Variants in XYLT1 observed in about 807,000 individuals in gnomAD.
XYLT1 encodes xylosyltransferase 1, also known as beta-D-xylosyltransferase 1.
XYLT1 carries 36 observed loss-of-function variants against 91.3 expected under a neutral mutation model. The ratio of observed to expected loss-of-function variants is 0.39; its 90% CI spans 0.30 to 0.52. The LOEUF is 0.52. Among genes scored for constraint, XYLT1 ranks in the 20% least tolerant of loss-of-function variants. The pLI is 0.68. For missense variants in XYLT1, 1,242 were observed against 1,284.5 expected (o/e 0.97, Z 0.51); for synonymous variants, 588 against 532.0 (o/e 1.11, Z -1.45).
chr16:17,250,658 C>T (rs1396832540), intron 3 of XYLT1: 1 of 152,322 alleles, frequency 6.6e-6, no homozygotes, highest in East Asian at 1.9e-4. Context: ...TGCCTTTCCC[C>T]AGCAAGCCCA....
intron 5 of XYLT1, among the ~76,000 whole-genome samples, chr16:17,182,783 C>G (rs1434134514): frequency 6.6e-6 from 1 of 152,018 alleles, no homozygotes; most frequent in African/African-American, 2.4e-5. Context: ...CCACTGGGCA[C>G]CACCAGATAG....
intron 2 of XYLT1, among the ~76,000 whole-genome samples, chr16:17,331,683 G>A (rs538329050): frequency 9.5e-4 from 145 of 152,160 alleles, no homozygotes; most frequent in South Asian, 2.7e-3. Context: ...TTTATTGATG[G>A]GCACACTGAG....
At chr16:17,326,416 A>G (rs917302081) in intron 2 of XYLT1, among the ~76,000 whole-genome samples, 3 of 152,172 alleles carry the variant, frequency 2.0e-5, no homozygotes, top group African/African-American at 7.2e-5. Context: ...CCTTTAAAAT[A>G]AAGAATTTTG....
At chr16:17,439,322 T>C (rs939644840) in intron 1 of XYLT1, among the ~76,000 whole-genome samples, 1 of 152,126 alleles carries the variant, frequency 6.6e-6, no homozygotes, top group Non-Finnish European at 1.5e-5. Flanking sequence ...GACGGACAGA[T>C]GGGTGAAAGA....
intron 2 of XYLT1, among the ~76,000 whole-genome samples, chr16:17,261,742 T>C (rs1467311807): frequency 6.6e-6 from 1 of 151,788 alleles, no homozygotes; most frequent in African/African-American, 2.4e-5. Flanking sequence ...GCACGTGGAG[T>C]CTGAGGCTGC....
intron 1 of XYLT1, among the ~76,000 whole-genome samples, chr16:17,375,154 T>C (rs1308230977): frequency 6.6e-6 from 1 of 152,182 alleles, no homozygotes; most frequent in Non-Finnish European, 1.5e-5. Flanking sequence ...TTCCAGTCCG[T>C]GCAACTTCAA....
rs924813097 is a variant in XYLT1 at position 17,116,738 on chromosome 16, C to T, written c.2557+908G>A. Reference sequence around the variant, plus strand: ...GAGATACTAAAACATTTTCTAAACTCGTCTTAGCACTTCACCCTCCCACTA... The same window carrying T: ...GAGATACTAAAACATTTTCTAAACTTGTCTTAGCACTTCACCCTCCCACTA... On this transcript the variant is annotated intron_variant, in intron 11 of 11. Coordinates refer to ENST00000261381, the MANE Select transcript of XYLT1 (RefSeq NM_022166.4). Among the ~76,000 whole-genome samples the T allele has an allele frequency of 2.6e-5, 4 of 152,230 alleles. No homozygotes were observed. In the South Asian group the frequency reaches 6.2e-4, roughly 24 times the overall value.
At chr16:17,363,171 T>C (rs1228753382) in intron 1 of XYLT1, among the ~76,000 whole-genome samples, 1 of 152,148 alleles carries the variant, frequency 6.6e-6, no homozygotes, top group Admixed American at 6.5e-5. Context: ...TCTAGCCAAG[T>C]CTGAATGACC....
chr16:17,115,799 TTA>T (rs1966850869), intron 11 of XYLT1, among the ~76,000 whole-genome samples: 1 of 13,610 alleles, frequency 7.3e-5, no homozygotes, highest in Non-Finnish European at 8.5e-4. Flanking sequence ...CTCTGTTATA[TTA>T]AAAAAAAAAA....
intron 6 of XYLT1, among the ~76,000 whole-genome samples, chr16:17,153,322 G>C (rs2031327408): frequency 6.6e-6 from 1 of 152,196 alleles, no homozygotes; most frequent in Non-Finnish European, 1.5e-5. Context: ...TATTAGAGTT[G>C]GCCCGTGAAT....
chr16:17,216,356 G>A (rs1038377918), intron 3 of XYLT1, among the ~76,000 whole-genome samples: 3 of 152,128 alleles, frequency 2.0e-5, no homozygotes, highest in Non-Finnish European at 4.4e-5. Context: ...AGGATTAAGT[G>A]AGTAACACTC....
intron 9 of XYLT1, among the ~76,000 whole-genome samples, chr16:17,129,966 T>A (rs2030408701): frequency 6.6e-6 from 1 of 152,264 alleles, no homozygotes; most frequent in African/African-American, 2.4e-5. Context: ...CAGAAAGTGG[T>A]AGAAGGGCTG....
In XYLT1 at chr16:17,103,719, T is replaced by C. The variant is rs1966738376; in HGVS notation, c.*4976A>G. 1 of 152,060 alleles carries C rather than the reference T, an allele frequency of 6.6e-6. No homozygotes were observed. The highest frequency in any genetic ancestry group is 6.6e-5 in the Admixed American group (1 of 15,258). 9.4% of individuals were successfully genotyped at this position (152,060 alleles called of 1,614,324 possible). ...ACAAGGTGCAGAACCCGCTTTCTGGTGGTATCTGTAGGCAGAGGCAGTTGG... is the reference window on the plus strand; with the variant it reads ...ACAAGGTGCAGAACCCGCTTTCTGGCGGTATCTGTAGGCAGAGGCAGTTGG... On this transcript the variant is annotated 3_prime_UTR_variant, in exon 12 of 12. Coordinates refer to ENST00000261381, the MANE Select transcript of XYLT1 (RefSeq NM_022166.4).
At chr16:17,233,470 A>G (rs990681486) in intron 3 of XYLT1, among the ~76,000 whole-genome samples, 3 of 152,232 alleles carry the variant, frequency 2.0e-5, no homozygotes, top group Non-Finnish European at 4.4e-5. Flanking sequence ...AAATTTAAGT[A>G]GGAAGGTGTG....
chr16:17,386,988 G>C (rs1016385618), intron 1 of XYLT1, among the ~76,000 whole-genome samples: 48 of 152,166 alleles, frequency 3.2e-4, no homozygotes, highest in Admixed American at 3.1e-3. Context: ...GTCTCAAAGA[G>C]GGCACAGAAC....
chr16:17,273,990 C>A, intron 2 of XYLT1, among the ~76,000 whole-genome samples: 1 of 151,884 alleles, frequency 6.6e-6, no homozygotes, highest in East Asian at 2.0e-4. Context: ...CGGCTCACTG[C>A]AACCTCTGCC....
At chr16:17,395,589 T>C (rs1213669154) in intron 1 of XYLT1, among the ~76,000 whole-genome samples, 2 of 151,976 alleles carry the variant, frequency 1.3e-5, no homozygotes, top group Admixed American at 6.6e-5. Context: ...CTATAAATAA[T>C]CATAATAATT....
At chr16:17,255,574 G>A (rs999906275) in intron 3 of XYLT1, among the ~76,000 whole-genome samples, 1 of 152,120 alleles carries the variant, frequency 6.6e-6, no homozygotes, top group African/African-American at 2.4e-5. Flanking sequence ...TGCTGGAAAC[G>A]TTGCACTCCA....
chr16:17,237,622 A>G (rs2141729773), intron 3 of XYLT1, among the ~76,000 whole-genome samples: 1 of 152,370 alleles, frequency 6.6e-6, no homozygotes, highest in South Asian at 2.1e-4. Context: ...GCAGCGGTGT[A>G]ATTAGAATCC....
Sources: allele counts gnomAD v4.1 joint callset (sites outside exome capture counted in the v4.1 genomes callset), GRCh38; gene constraint gnomAD v4.1.1; transcripts MANE v1.5; gene names NCBI Gene and HGNC (gene_info 2026-07-23, HGNC 2026-07-21).